TDRD9: variants seen among roughly 807,000 people sequenced by gnomAD.
The protein encoded by TDRD9 is tudor domain containing 9.
TDRD9 carries 124 observed loss-of-function variants against 172.6 expected under a neutral mutation model. The observed-to-expected ratio is 0.72, with a 90% CI of 0.62 to 0.83. The LOEUF is 0.83. TDRD9 is among the 40% of genes least tolerant of loss of function. The pLI, the probability that TDRD9 is intolerant of heterozygous loss-of-function variation, is 0.00. For missense variants in TDRD9, 1,479 were observed against 1,714.1 expected, an observed-to-expected ratio of 0.86 and a Z score of 2.42; for synonymous variants, 619 against 617.1, an observed-to-expected ratio of 1.00 and a Z score of -0.05.
At chr14:104,050,777 G>A (rs933456393) in intron 35 of TDRD9, among the ~76,000 whole-genome samples, 2 of 152,168 alleles carry the variant, frequency 1.3e-5, no homozygotes, top group Admixed American at 6.5e-5. Flanking sequence ...CATCAGGCTC[G>A]GTTGGAGTGT....
At chr14:104,022,863 C>T (rs947438613) in intron 24 of TDRD9, among the ~76,000 whole-genome samples, 1 of 152,040 alleles carries the variant, frequency 6.6e-6, no homozygotes, top group Non-Finnish European at 1.5e-5. Flanking sequence ...CCTCTCTGAA[C>T]CTCAGTTTTT....
intron 23 of TDRD9, among the ~76,000 whole-genome samples, chr14:104,021,002 C>T (rs1253842262): frequency 1.3e-5 from 2 of 152,030 alleles, no homozygotes; most frequent in East Asian, 1.9e-4. Flanking sequence ...ATTCTGTTCT[C>T]TCGGTGCTAT....
In TDRD9 at chr14:103,966,932, A is replaced by G. The variant is rs1042153983; in HGVS notation, c.765+101A>G. 8.9e-6 allele frequency: 10 copies of G among 1,120,006 alleles called. No individual in the cohort carries two copies. In the Admixed American group the frequency reaches 1.0e-4, roughly 12 times the overall value. 69.4% of individuals were successfully genotyped at this position (1,120,006 alleles called of 1,614,324 possible). ...CTTTGTGCCTGTCTCAGCTTTCTTT[A>G]TTTTTTCCTTCCCCTTTACTTTCTG... On this transcript the variant is annotated intron_variant, in intron 5 of 35. Coordinates refer to ENST00000409874, the MANE Select transcript of TDRD9 (RefSeq NM_153046.3).
At position 104,042,098 on chromosome 14, in the gene TDRD9, G is replaced by T; in HGVS notation, c.3885G>T (p.Lys1295Asn). Residue 1295 changes from lysine (K) to asparagine (N), a missense_variant, in exon 34 of 36, where the codon AAG becomes AAT. Coordinates refer to ENST00000409874, the MANE Select transcript of TDRD9 (RefSeq NM_153046.3). Reference sequence around the variant, plus strand: ...ATATTCTCAGGGCTGCTATTAACAAGCTAGTCTGTGATGGACCAAATGGAT... The same window carrying T: ...ATATTCTCAGGGCTGCTATTAACAATCTAGTCTGTGATGGACCAAATGGAT... ...EVNILRAAIN[K>N]LVCDGPNGCK... 7 of 1,613,026 alleles carry T rather than the reference G, an allele frequency of 4.3e-6. No individual in the cohort carries two copies. The South Asian group carries it at 6.6e-5, about 15-fold the overall frequency.
chr14:104,008,712 A>G (rs1315437178), intron 20 of TDRD9, among the ~76,000 whole-genome samples: 1 of 152,108 alleles, frequency 6.6e-6, no homozygotes, highest in Non-Finnish European at 1.5e-5. Flanking sequence ...TACTTTAATG[A>G]GGAATGGTTG....
chr14:104,042,751 C>A (rs1481204112), intron 34 of TDRD9, among the ~76,000 whole-genome samples: 1 of 152,228 alleles, frequency 6.6e-6, no homozygotes, highest in East Asian at 1.9e-4. Flanking sequence ...CCTACCCAGT[C>A]CTGTGCTCCT....
chr14:103,944,626 C>T (rs762377364), intron 1 of TDRD9, among the ~76,000 whole-genome samples: 4 of 133,044 alleles, frequency 3.0e-5, no homozygotes, highest in Non-Finnish European at 6.1e-5. Flanking sequence ...AGTGCAGTGG[C>T]GTGATCTTGG....
At position 104,022,729 on chromosome 14, in the gene TDRD9, A is replaced by AAAATAAATAAATAAAT. The variant is rs139166055; in HGVS notation, c.2606+419_2606+434dup. The stretch of plus-strand genomic sequence containing the variant: ...GCGACAGAACAAGACGCTGTCTTAA[A>AAAATAAATAAATAAAT]AAATAAATAAATAAATAAATAAATA... On this transcript the variant is annotated intron_variant, in intron 24 of 35. Coordinates refer to ENST00000409874, the MANE Select transcript of TDRD9 (RefSeq NM_153046.3). 8.5e-3 allele frequency among the ~76,000 whole-genome samples: 1,244 copies of AAAATAAATAAATAAAT among 145,972 alleles called. 21 individuals carry two copies. The highest frequency in any genetic ancestry group is 0.041 in the East Asian group (202 of 4,920).
chr14:103,952,220 ATTTTTTTTTTTTTTTTTT>A (rs61410445), intron 1 of TDRD9, among the ~76,000 whole-genome samples: 139 of 32,250 alleles, frequency 4.3e-3, no homozygotes, highest in African/African-American at 0.021. Flanking sequence ...ATATATATAT[ATTTTTTTTTTTTTTTTTT>A]TTTTTTTTTT....
intron 1 of TDRD9, among the ~76,000 whole-genome samples, chr14:103,954,821 G>T (rs2032116269): frequency 6.6e-6 from 1 of 152,076 alleles, no homozygotes; most frequent in Admixed American, 6.6e-5. Context: ...TAGAGACAGG[G>T]TTTCACCATG....
intron 12 of TDRD9, among the ~76,000 whole-genome samples, chr14:103,996,425 G>T (rs1305451482): frequency 6.6e-6 from 1 of 152,168 alleles, no homozygotes; most frequent in Non-Finnish European, 1.5e-5. Context: ...TCAGGTACAG[G>T]TCAATGTTGT....
chr14:104,032,504 C>T (rs953676646), intron 30 of TDRD9, among the ~76,000 whole-genome samples: 2 of 152,194 alleles, frequency 1.3e-5, no homozygotes, highest in African/African-American at 2.4e-5. Context: ...CATGCCCGGC[C>T]GGAATGTTAT....
At chr14:104,017,343 A>T (rs900572629) in intron 22 of TDRD9, among the ~76,000 whole-genome samples, 1 of 152,042 alleles carries the variant, frequency 6.6e-6, no homozygotes, top group Non-Finnish European at 1.5e-5. Flanking sequence ...GGTACTTTTC[A>T]TTCTTCTCTG....
chr14:104,020,401 G>A (rs1270295933), intron 23 of TDRD9, among the ~76,000 whole-genome samples: 1 of 152,154 alleles, frequency 6.6e-6, no homozygotes, highest in African/African-American at 2.4e-5. Flanking sequence ...CATGTGGGGG[G>A]CAAAGAAGTG....
At chr14:104,021,063 C>A (rs146495380) in intron 23 of TDRD9, among the ~76,000 whole-genome samples, 1,623 of 152,232 alleles carry the variant, frequency 0.011, 10 homozygotes, top group Middle Eastern at 0.017. Flanking sequence ...GTTTAATTGG[C>A]TCATGGTTCT....
rs2033995753 is a variant in TDRD9 at position 103,994,733 on chromosome 14, G to A, written c.1320+130G>A. ...TCCAGCACTGTGAGAGGCTGAGGTGGGTGAATCATTTGAGCTCAGGAATTT... is the reference window on the plus strand; with the variant it reads ...TCCAGCACTGTGAGAGGCTGAGGTGAGTGAATCATTTGAGCTCAGGAATTT... On this transcript the variant is annotated intron_variant, in intron 11 of 35. Coordinates refer to ENST00000409874, the MANE Select transcript of TDRD9 (RefSeq NM_153046.3). 5.8e-6 allele frequency: 4 copies of A among 690,264 alleles called. No homozygotes were observed. In the Admixed American group the frequency reaches 1.1e-4, roughly 19 times the overall value. The allele number at this position is 690,264 out of a possible 1,614,324, so 42.8% of individuals were successfully genotyped here. A position where few individuals can be genotyped will look rare whatever the true frequency, so the allele number is the denominator to read the frequency against.
intron 34 of TDRD9, among the ~76,000 whole-genome samples, chr14:104,042,521 G>A (rs1367372181): frequency 2.6e-5 from 4 of 152,122 alleles, no homozygotes; most frequent in African/African-American, 9.7e-5. Flanking sequence ...TACAGAGCTG[G>A]GCCTCTCTTG....
chr14:104,040,666 G>A (rs2035587102), intron 33 of TDRD9, among the ~76,000 whole-genome samples: 1 of 152,208 alleles, frequency 6.6e-6, no homozygotes, highest in African/African-American at 2.4e-5. Context: ...GTCAGGAAGT[G>A]GAACATCCTT....
chr14:103,974,328 C>T (rs543066819), intron 6 of TDRD9, among the ~76,000 whole-genome samples: 9 of 152,230 alleles, frequency 5.9e-5, no homozygotes, highest in African/African-American at 1.2e-4. Flanking sequence ...ATGGAGACTG[C>T]TGAGCTGGGA....
Sources: gnomAD v4.1 joint callset for allele counts (sites outside exome capture counted in the v4.1 genomes callset) on GRCh38, gnomAD v4.1.1 for gene constraint, MANE v1.5 for transcripts, NCBI Gene and HGNC (gene_info 2026-07-23, HGNC 2026-07-21) for gene names.